FMR1NB: variants seen among roughly 807,000 people sequenced by gnomAD.
The protein encoded by FMR1NB is FMR1 neighbor, also known as FMR1 neighbor protein.
Under a neutral mutation model 16.8 loss-of-function variants are expected in FMR1NB, and 10 were observed. The observed-to-expected ratio is 0.60, with a 90% CI of 0.37 to 1.01. The LOEUF (loss-of-function observed/expected upper bound fraction) is 1.01, where lower values mean the gene tolerates loss of function less well. Among genes scored for constraint, FMR1NB ranks in the 50% least tolerant of loss-of-function variants. FMR1NB has a pLI of 0.01. For missense variants in FMR1NB, 205 were observed against 204.8 expected, an observed-to-expected ratio of 1.00 and a Z score of 0.00; for synonymous variants, 83 against 79.1, an observed-to-expected ratio of 1.05 and a Z score of -0.26.
chrX:147,991,059 A>G (rs1205117125), intron 1 of FMR1NB, among the ~76,000 whole-genome samples: 2 of 110,986 alleles, frequency 1.8e-5, no homozygotes, highest in Non-Finnish European at 3.8e-5. Flanking sequence ...CTTCCATCAC[A>G]GAGTCCTACC....
rs2044598042 is a variant in FMR1NB, at chrX:148,006,717, A to G, written c.413A>G (p.Glu138Gly). The G allele has an allele frequency of 5.8e-6, 7 of 1,199,078 alleles. No homozygotes were observed. The highest frequency in any genetic ancestry group is 2.3e-4 in the Middle Eastern group (1 of 4,331). ...TTTTTAAAAGCTTGCAATCTGAGGG[A>G]AAATCAGGTGGCAAAGCCTTGTAAT... ...FFFPTTCNLRENQVAKPCNEL... is the reference protein window; with the variant it reads ...FFFPTTCNLRGNQVAKPCNEL... Residue 138 changes from glutamate to glycine, a missense_variant, in exon 3 of 6, where the codon GAA (glutamate) becomes GGA (glycine). Transcript: ENST00000370467.
intron 4 of FMR1NB, among the ~76,000 whole-genome samples, chrX:148,010,101 ATT>A: frequency 9.1e-6 from 1 of 110,183 alleles, no homozygotes; most frequent in East Asian, 2.8e-4. Context: ...GGTCCCCTGG[ATT>A]TTTTTTTCTC....
intron 1 of FMR1NB, among the ~76,000 whole-genome samples, chrX:147,986,394 C>T (rs1479097549): frequency 2.7e-5 from 3 of 111,952 alleles, no homozygotes; most frequent in Admixed American, 9.5e-5. Context: ...AGCCTTTGCC[C>T]ATGCCTCTGT....
chrX:147,996,772 G>A (rs1237533977), intron 1 of FMR1NB, among the ~76,000 whole-genome samples: 1 of 111,760 alleles, frequency 8.9e-6, no homozygotes, highest in Non-Finnish European at 1.9e-5. Flanking sequence ...TGAGTCTGGT[G>A]TTTCTTTTCC....
chrX:147,984,140 T>C (rs2044464699), intron 1 of FMR1NB, among the ~76,000 whole-genome samples: 1 of 112,243 alleles, frequency 8.9e-6, no homozygotes, highest in African/African-American at 3.2e-5. Context: ...GTTTAGAAAT[T>C]GGAATGTGTG....
At chrX:148,002,210 G>C (rs1430190566) in intron 1 of FMR1NB, among the ~76,000 whole-genome samples, 1 of 111,717 alleles carries the variant, frequency 9.0e-6, no homozygotes, top group African/African-American at 3.3e-5. Context: ...CAGATTAAGA[G>C]TTAAGTTCTC....
intron 1 of FMR1NB, among the ~76,000 whole-genome samples, chrX:147,990,008 C>T (rs1196819142): frequency 9.6e-6 from 1 of 104,248 alleles, no homozygotes; most frequent in Non-Finnish European, 2.0e-5. Context: ...ACAGTTCTGT[C>T]TCACTGGGGT....
chrX:147,987,294 TC>T (rs1327522696), intron 1 of FMR1NB, among the ~76,000 whole-genome samples: 1 of 111,902 alleles, frequency 8.9e-6, no homozygotes, highest in Non-Finnish European at 1.9e-5. Flanking sequence ...CTTCCTCTCT[TC>T]CTATTTGAAT....
intron 2 of FMR1NB, among the ~76,000 whole-genome samples, chrX:148,004,998 T>C (rs1486972130): frequency 8.0e-5 from 9 of 112,307 alleles, no homozygotes; most frequent in African/African-American, 2.9e-4. Flanking sequence ...CAAGCAATTC[T>C]CCTACCTCAG....
At chrX:147,993,376 C>T (rs943526130) in intron 1 of FMR1NB, among the ~76,000 whole-genome samples, 7 of 104,972 alleles carry the variant, frequency 6.7e-5, no homozygotes, top group South Asian at 8.1e-4. Context: ...GCTTCGGTTC[C>T]GCATGAGAGG....
At chrX:147,986,386 C>T (rs9698456) in intron 1 of FMR1NB, among the ~76,000 whole-genome samples, 40,094 of 110,583 alleles carry the variant, frequency 0.36, 5,893 homozygotes, top group East Asian at 0.67. Context: ...AGTCATGAAG[C>T]CTTTGCCCAT....
At chrX:148,018,123 G>C (rs1282763238) in intron 4 of FMR1NB, among the ~76,000 whole-genome samples, 12 of 110,117 alleles carry the variant, frequency 1.1e-4, no homozygotes, top group African/African-American at 3.0e-4. Flanking sequence ...ACACTGACTT[G>C]CACAAGGGTT....
At chrX:148,010,006 G>A (rs974054480) in intron 4 of FMR1NB, among the ~76,000 whole-genome samples, 6 of 111,929 alleles carry the variant, frequency 5.4e-5, no homozygotes, top group African/African-American at 2.0e-4. Flanking sequence ...AATTTAGAGA[G>A]TTTCTAGGAT....
chrX:147,994,463 A>G (rs782608590), intron 1 of FMR1NB, among the ~76,000 whole-genome samples: 24 of 112,861 alleles, frequency 2.1e-4, no homozygotes, highest in Non-Finnish European at 4.3e-4. Flanking sequence ...AAATCATAAT[A>G]TTACTACAAA....
intron 1 of FMR1NB, among the ~76,000 whole-genome samples, chrX:147,996,808 CTT>C: frequency 1.2e-5 from 1 of 83,778 alleles, no homozygotes; most frequent in East Asian, 3.9e-4. Context: ...GATTTTTAGT[CTT>C]TTATTTGTAA....
intron 4 of FMR1NB, among the ~76,000 whole-genome samples, chrX:148,013,994 A>T (rs2044637443): frequency 9.0e-6 from 1 of 111,185 alleles, no homozygotes. Context: ...ATGAGTCTGG[A>T]ATTTGCCCCT....
At chrX:148,024,706 G>A (rs1328267078) in intron 4 of FMR1NB, among the ~76,000 whole-genome samples, 159 bp from the exon 5 acceptor site, 1 of 112,201 alleles carries the variant, frequency 8.9e-6, no homozygotes, top group Non-Finnish European at 1.9e-5. Context: ...AGCAAGCCAA[G>A]TGGAATAATT....
chrX:147,982,617 G>A (rs1159317357), intron 1 of FMR1NB, among the ~76,000 whole-genome samples: 2 of 103,106 alleles, frequency 1.9e-5, no homozygotes, highest in African/African-American at 7.1e-5. Flanking sequence ...AAAAAGGCCG[G>A]GCGCGGTGGG....
chrX:148,022,194 C>T (rs1198720887), intron 4 of FMR1NB, among the ~76,000 whole-genome samples: 1 of 111,333 alleles, frequency 9.0e-6, no homozygotes, highest in Non-Finnish European at 1.9e-5. Context: ...CTGAAATGCT[C>T]TTATGCATCT....
Sources: gnomAD v4.1 joint callset for allele counts (sites outside exome capture counted in the v4.1 genomes callset) on GRCh38, gnomAD v4.1.1 for gene constraint, MANE v1.5 for transcripts, NCBI Gene and HGNC (gene_info 2026-07-23, HGNC 2026-07-21) for gene names.